The following USP25 variants were observed in gnomAD, a reference collection of about 807,000 sequenced individuals.
USP25 encodes ubiquitin carboxyl-terminal hydrolase 25.
In USP25, 85 loss-of-function variants were observed where a neutral mutation model predicts 158.5. The ratio of observed to expected loss-of-function variants is 0.54; its 90% CI spans 0.45 to 0.64. The LOEUF (loss-of-function observed/expected upper bound fraction) is 0.64. Among genes scored for constraint, USP25 ranks in the 30% least tolerant of loss-of-function variants. USP25 has a pLI of 0.00. For missense variants in USP25, 1,242 were observed against 1,327.3 expected, an observed-to-expected ratio of 0.94 and a Z score of 1.00; for synonymous variants, 464 against 460.4, an observed-to-expected ratio of 1.01 and a Z score of -0.10.
Position 15,808,900 on chromosome 21 carries a change from AGTTTAGCAATG to A in USP25, c.857+17_857+27del. The A allele has an allele frequency of 1.3e-6, 2 of 1,591,578 alleles. No homozygotes were observed. The highest frequency in any genetic ancestry group is 2.3e-5 in the South Asian group (2 of 88,138). The stretch of plus-strand genomic sequence containing the variant: ...GAAGAGGAGACGTAAGTTACCGTGA[AGTTTAGCAATG>A]GGGTTTTAGGAATTCATTAGATAGC... On this transcript the variant is annotated intron_variant, in intron 8 of 25. Transcript: ENST00000400183.
At chr21:15,757,486 T>C (rs147021341) in intron 1 of USP25, among the ~76,000 whole-genome samples, 1 of 152,318 alleles carries the variant, frequency 6.6e-6, no homozygotes, top group African/African-American at 2.4e-5. Flanking sequence ...TCAAAGACCT[T>C]GCTCTTCTCC....
chr21:15,804,208 G>A (rs913392835), intron 6 of USP25, among the ~76,000 whole-genome samples: 1 of 151,702 alleles, frequency 6.6e-6, no homozygotes, highest in African/African-American at 2.4e-5. Flanking sequence ...GCTTTAATGA[G>A]CCAGTAAGAA....
rs554647299 is a variant in USP25 at position 15,879,211 on chromosome 21, T to G, written c.*736T>G. ...CTGAAACTTTTATCCTTTTCTTAGA[T>G]TAATCTTACTTTTTAAATGTATTTA... On this transcript the variant is annotated 3_prime_UTR_variant, in exon 26 of 26. Coordinates refer to ENST00000400183, the MANE Select transcript of USP25 (RefSeq NM_001283041.3). The G allele has an allele frequency of 1.6e-4, 25 of 152,632 alleles. No homozygotes were observed. In the East Asian group the frequency reaches 4.8e-3, roughly 29 times the overall value. 9.5% of individuals were successfully genotyped at this position (152,632 alleles called of 1,614,324 possible). A position where few individuals can be genotyped will look rare whatever the true frequency, so the allele number is the denominator to read the frequency against.
intron 19 of USP25, 36 bp downstream of exon 19, chr21:15,847,812 A>C (rs1568885307): frequency 1.4e-6 from 2 of 1,399,886 alleles, no homozygotes; most frequent in Non-Finnish European, 2.0e-6. Flanking sequence ...TTGCTACTTA[A>C]CTTTTGCTAT....
intron 17 of USP25, 109 bp from the exon 18 acceptor site, chr21:15,842,289 C>T: frequency 2.5e-6 from 3 of 1,215,098 alleles, no homozygotes; most frequent in Non-Finnish European, 3.3e-6. Flanking sequence ...GAATGGAAGA[C>T]TAAAATTGGT....
chr21:15,737,079 C>A (rs2031592406), intron 1 of USP25, among the ~76,000 whole-genome samples: 1 of 151,998 alleles, frequency 6.6e-6, no homozygotes, highest in Admixed American at 6.6e-5. Context: ...AGGAATTTTT[C>A]TTCCACTCTT....
At chr21:15,828,049 A>G (rs201553019) in intron 14 of USP25, among the ~76,000 whole-genome samples, 3 of 152,090 alleles carry the variant, frequency 2.0e-5, no homozygotes, top group East Asian at 3.9e-4. Context: ...AAAAAAATGA[A>G]CTATGTGACA....
intron 1 of USP25, among the ~76,000 whole-genome samples, chr21:15,755,517 A>G (rs1040899306): frequency 4.6e-5 from 7 of 152,208 alleles, no homozygotes; most frequent in Admixed American, 1.3e-4. Flanking sequence ...TATGGCAAGG[A>G]CATGGAATTT....
intron 2 of USP25, among the ~76,000 whole-genome samples, chr21:15,764,663 A>G (rs1289759218): frequency 2.6e-5 from 4 of 152,160 alleles, no homozygotes; most frequent in Non-Finnish European, 4.4e-5. Context: ...AACACTTAGC[A>G]CATTTCTTGG....
chr21:15,820,320 TTTTATTGTA>T (rs547728181), intron 10 of USP25, among the ~76,000 whole-genome samples: 80 of 152,156 alleles, frequency 5.3e-4, no homozygotes, highest in Admixed American at 1.2e-3. Flanking sequence ...TTTTAAAAAT[TTTTATTGTA>T]CACAGAATTG....
chr21:15,850,476 T>G (rs1373745259), intron 20 of USP25, among the ~76,000 whole-genome samples: 1 of 151,996 alleles, frequency 6.6e-6, no homozygotes, highest in East Asian at 1.9e-4. Flanking sequence ...ATTACAATTT[T>G]TTCCTTTTAC....
At chr21:15,864,546 G>T (rs1027532524) in intron 21 of USP25, 100 bp downstream of exon 21, 8 of 1,062,594 alleles carry the variant, frequency 7.5e-6, no homozygotes, top group Non-Finnish European at 1.0e-5. Context: ...ATATATGCAT[G>T]GGCACATATT....
chr21:15,732,036 C>G (rs1369029388), intron 1 of USP25, among the ~76,000 whole-genome samples: 1 of 152,182 alleles, frequency 6.6e-6, no homozygotes, highest in African/African-American at 2.4e-5. Flanking sequence ...TTTGACTAAA[C>G]TGTATTAAAT....
At position 15,768,025 on chromosome 21, in the gene USP25, G is replaced by A. The variant is rs17241437; in HGVS notation, c.268+1884G>A. On this transcript the variant is annotated intron_variant, in intron 3 of 25. Transcript: ENST00000400183. ...AAGGCAGCCTAATTTCAGGAGGCACGTGTCTCATTTGCTGATAATTAAAAC... is the reference window on the plus strand; with the variant it reads ...AAGGCAGCCTAATTTCAGGAGGCACATGTCTCATTTGCTGATAATTAAAAC... Among the ~76,000 whole-genome samples the A allele has an allele frequency of 3.8e-3, 580 of 152,148 alleles. 5 individuals carry two copies. The highest frequency in any genetic ancestry group is 0.013 in the African/African-American group (526 of 41,554).
At chr21:15,791,401 A>G (rs755295015) in intron 4 of USP25, 101 bp from the exon 5 acceptor site, 27 of 1,234,758 alleles carry the variant, frequency 2.2e-5, no homozygotes, top group Non-Finnish European at 2.5e-5. Flanking sequence ...CTTCAAATAC[A>G]TTATTGAAAT....
At chr21:15,862,892 C>T (rs193206374) in intron 20 of USP25, among the ~76,000 whole-genome samples, 1 of 151,940 alleles carries the variant, frequency 6.6e-6, no homozygotes, top group East Asian at 1.9e-4. Context: ...TAGAATATTT[C>T]ATTTAATGTT....
intron 17 of USP25, among the ~76,000 whole-genome samples, chr21:15,835,740 T>C (rs1285728116): frequency 6.6e-6 from 1 of 152,236 alleles, no homozygotes; most frequent in Non-Finnish European, 1.5e-5. Flanking sequence ...ATACTACTTC[T>C]GTAGGAAACA....
At chr21:15,846,156 ATAT>A (rs2038600394) in intron 18 of USP25, among the ~76,000 whole-genome samples, 2 of 18,540 alleles carry the variant, frequency 1.1e-4, no homozygotes, top group African/African-American at 5.4e-4. Context: ...ATATATATAT[ATAT>A]TTTTTTTTTT....
chr21:15,755,807 A>G (rs553703459), intron 1 of USP25, among the ~76,000 whole-genome samples: 1 of 152,334 alleles, frequency 6.6e-6, no homozygotes, highest in East Asian at 1.9e-4. Context: ...GCTACAAAAA[A>G]AATATGAGGC....
Sources: gnomAD v4.1 joint callset for allele counts (sites outside exome capture counted in the v4.1 genomes callset) on GRCh38, gnomAD v4.1.1 for gene constraint, MANE v1.5 for transcripts, NCBI Gene and HGNC (gene_info 2026-07-23, HGNC 2026-07-21) for gene names.